Variants in FRMD5 observed in about 807,000 individuals in gnomAD.
FRMD5 encodes the protein FERM domain containing 5, also known as FERM domain-containing protein 5.
In FRMD5, 20 loss-of-function variants were observed where a neutral mutation model predicts 69.0. The ratio of observed to expected loss-of-function variants is 0.29; its 90% confidence interval spans 0.20 to 0.42. FRMD5 has a LOEUF of 0.42. Ranked by LOEUF, FRMD5 falls within the 10% of genes least tolerant of loss-of-function variation. The probability of loss-of-function intolerance (pLI) is 1.00; values close to 1 mark genes in which losing one functional copy is unlikely to be tolerated. For synonymous variants in FRMD5, 271 were observed against 260.1 expected, an observed-to-expected ratio of 1.04 and a Z score of -0.40; for missense variants, 595 against 708.6, an observed-to-expected ratio of 0.84 and a Z score of 1.82.
At chr15:44,174,633 G>T (rs1170124030) in intron 1 of FRMD5, among the ~76,000 whole-genome samples, 1 of 152,116 alleles carries the variant, frequency 6.6e-6, no homozygotes, top group Non-Finnish European at 1.5e-5. Context: ...CAATGTAAAA[G>T]AAAATTTTTA....
chr15:44,086,948 T>C (rs933854111), intron 1 of FRMD5, among the ~76,000 whole-genome samples: 2 of 152,186 alleles, frequency 1.3e-5, no homozygotes, highest in Non-Finnish European at 2.9e-5. Context: ...TCATCATTCA[T>C]GGTCTTGATA....
chr15:43,949,119 G>A (rs937031846), intron 1 of FRMD5, among the ~76,000 whole-genome samples: 1 of 152,240 alleles, frequency 6.6e-6, no homozygotes, highest in African/African-American at 2.4e-5. Context: ...CAGGGAAAGA[G>A]CTCAGCAAGG....
At chr15:44,015,799 C>T (rs899097672) in intron 1 of FRMD5, among the ~76,000 whole-genome samples, 1 of 152,182 alleles carries the variant, frequency 6.6e-6, no homozygotes, top group African/African-American at 2.4e-5. Flanking sequence ...TATGCACTTA[C>T]AGATAGATGG....
At chr15:44,037,750 A>C (rs939610472) in intron 1 of FRMD5, among the ~76,000 whole-genome samples, 2 of 151,896 alleles carry the variant, frequency 1.3e-5, no homozygotes, top group Non-Finnish European at 2.9e-5. Context: ...TTGGGATTAC[A>C]GGTGTGAGCC....
At chr15:44,096,603 G>A (rs575603951) in intron 1 of FRMD5, among the ~76,000 whole-genome samples, 1 of 151,994 alleles carries the variant, frequency 6.6e-6, no homozygotes, top group African/African-American at 2.4e-5. Context: ...AGGTTTCACC[G>A]TGTTGGCCAG....
chr15:43,996,733 T>C (rs1387735297), intron 1 of FRMD5, among the ~76,000 whole-genome samples: 6 of 148,486 alleles, frequency 4.0e-5, no homozygotes, highest in Non-Finnish European at 8.9e-5. Flanking sequence ...TTTTTTTTTT[T>C]TTTGTATACC....
At position 43,947,642 on chromosome 15, in the gene FRMD5, G is replaced by C. The variant is rs183717068; in HGVS notation, c.103-23333C>G. Among the ~76,000 whole-genome samples the C allele has an allele frequency of 4.1e-4, 63 of 152,294 alleles. 1 individual carries two copies. Among genetic ancestry groups the C allele is most frequent in the African/African-American group, 1.1e-3 (45 of 41,570 alleles). ...GGGATGAATGGTTGCATCATGGACC[G>C]AGGTGAGGACAATCAGAAAGGCAGG... is the stretch of plus-strand genomic sequence containing the variant. On this transcript the variant is annotated intron_variant, in intron 1 of 13. Coordinates refer to ENST00000417257, the MANE Select transcript of FRMD5 (RefSeq NM_032892.5).
chr15:43,958,473 C>T (rs181882855), intron 1 of FRMD5, among the ~76,000 whole-genome samples: 34 of 152,294 alleles, frequency 2.2e-4, no homozygotes, highest in Admixed American at 5.9e-4. Flanking sequence ...CGCCCAGGAG[C>T]GCAGTGGCAA....
chr15:43,996,997 A>G (rs939692075), intron 1 of FRMD5, among the ~76,000 whole-genome samples: 2 of 152,184 alleles, frequency 1.3e-5, no homozygotes, highest in Admixed American at 6.6e-5. Context: ...AAGCTTTCCA[A>G]TGATTAAAAC....
At chr15:43,998,756 CTTG>C in intron 1 of FRMD5, among the ~76,000 whole-genome samples, 2 of 152,220 alleles carry the variant, frequency 1.3e-5, no homozygotes, top group African/African-American at 4.8e-5. Flanking sequence ...ATGAGATAAG[CTTG>C]TGAGATGATG....
At chr15:43,879,586 G>A (rs576435820) in intron 13 of FRMD5, 5 of 399,018 alleles carry the variant, frequency 1.3e-5, no homozygotes, top group East Asian at 1.1e-4. Flanking sequence ...CTCAGGATGC[G>A]CACACTTAGG....
At chr15:44,020,052 G>A (rs558858445) in intron 1 of FRMD5, among the ~76,000 whole-genome samples, 2 of 151,764 alleles carry the variant, frequency 1.3e-5, no homozygotes, top group South Asian at 2.1e-4. Context: ...ATCTATATAC[G>A]AATCCTTATC....
At chr15:44,016,985 G>T (rs934394339) in intron 1 of FRMD5, among the ~76,000 whole-genome samples, 1 of 151,916 alleles carries the variant, frequency 6.6e-6, no homozygotes, top group African/African-American at 2.4e-5. Context: ...TTGCAGGCTT[G>T]TCTTGAACTC....
intron 1 of FRMD5, among the ~76,000 whole-genome samples, chr15:44,001,189 C>T (rs1463519904): frequency 1.3e-5 from 2 of 152,080 alleles, no homozygotes; most frequent in African/African-American, 4.8e-5. Flanking sequence ...TACTTGTTGA[C>T]CATTTTTATA....
intron 1 of FRMD5, among the ~76,000 whole-genome samples, chr15:44,049,920 T>A (rs1345388916): frequency 6.6e-6 from 1 of 152,238 alleles, no homozygotes; most frequent in African/African-American, 2.4e-5. Flanking sequence ...TATAACCCTC[T>A]ACTTTATGAT....
chr15:43,887,388 A>G (rs528425843), intron 10 of FRMD5, among the ~76,000 whole-genome samples: 44 of 152,342 alleles, frequency 2.9e-4, no homozygotes, highest in African/African-American at 1.1e-3. Context: ...GTAGCAAAAG[A>G]AAATAAATGT....
intron 1 of FRMD5, among the ~76,000 whole-genome samples, chr15:44,004,902 A>G (rs998777540): frequency 2.0e-5 from 3 of 152,230 alleles, no homozygotes; most frequent in African/African-American, 7.2e-5. Flanking sequence ...AGAGTTCTTG[A>G]AGGAAATTTA....
intron 10 of FRMD5, 43 bp from the exon 11 acceptor site, chr15:43,885,798 C>T: frequency 1.3e-6 from 2 of 1,486,310 alleles, no homozygotes; most frequent in Non-Finnish European, 1.9e-6. Flanking sequence ...GCCTGAACTG[C>T]CTCACACAGG....
chr15:44,158,925 T>C (rs767452978), intron 1 of FRMD5, among the ~76,000 whole-genome samples: 25 of 152,162 alleles, frequency 1.6e-4, no homozygotes, highest in Non-Finnish European at 3.5e-4. Context: ...CACAATATCA[T>C]GGGCAAGTAT....
Sources: allele counts gnomAD v4.1 joint callset (sites outside exome capture counted in the v4.1 genomes callset), GRCh38; gene constraint gnomAD v4.1.1; transcripts MANE v1.5; gene names NCBI Gene and HGNC (gene_info 2026-07-23, HGNC 2026-07-21).